Variants in HECW1 observed in about 807,000 individuals in gnomAD.
HECW1 encodes E3 ubiquitin-protein ligase HECW1.
A neutral mutation model predicts 182.3 loss-of-function variants in HECW1; 61 were observed. The ratio of observed to expected loss-of-function variants is 0.33; its 90% CI spans 0.27 to 0.41. The LOEUF is 0.41. HECW1 is among the 10% of genes least tolerant of loss of function. HECW1 has a pLI of 1.00. For missense variants in HECW1, 1,739 were observed against 2,108.9 expected (o/e 0.82, Z 3.44); for synonymous variants, 859 against 832.6 (o/e 1.03, Z -0.55).
intron 24 of HECW1, among the ~76,000 whole-genome samples, chr7:43,531,848 G>A (rs539253877): frequency 5.3e-5 from 8 of 152,164 alleles, no homozygotes; most frequent in Admixed American, 3.9e-4. Context: ...CCAGATCCCC[G>A]AATGCTGCAT....
chr7:43,399,742 A>C (rs1002408887), intron 7 of HECW1, among the ~76,000 whole-genome samples: 1 of 152,182 alleles, frequency 6.6e-6, no homozygotes, highest in Non-Finnish European at 1.5e-5. Context: ...CAGTCCCCAA[A>C]CACATCATTT....
chr7:43,546,476 G>T (rs1330404775), intron 26 of HECW1, among the ~76,000 whole-genome samples: 1 of 151,874 alleles, frequency 6.6e-6, no homozygotes, highest in Non-Finnish European at 1.5e-5. Context: ...AGAGTGTCAT[G>T]TGTAATGAGA....
At chr7:43,226,266 C>T (rs1486440081) in intron 2 of HECW1, among the ~76,000 whole-genome samples, 1 of 152,188 alleles carries the variant, frequency 6.6e-6, no homozygotes, top group East Asian at 1.9e-4. Flanking sequence ...AAACTCTAGC[C>T]TTGACTCTGT....
At position 43,407,563 on chromosome 7, in the gene HECW1, T is replaced by C; in HGVS notation, c.633T>C (p.Asp211=). ...SRRLISFSLS[D]FQAMGLKKGM... ...ATTAAAGTATCCTTTATTTTATAGATTTCCAAGCCATGGGGTTGAAGAAAG... is the reference window on the plus strand; with the variant it reads ...ATTAAAGTATCCTTTATTTTATAGACTTCCAAGCCATGGGGTTGAAGAAAG... The change falls in exon 8 of 30, where the codon GAT becomes GAC. Residue 211 remains aspartate, a splice_region_variant and synonymous_variant. Transcript: ENST00000395891. 1 of 1,608,822 alleles carries C rather than the reference T, an allele frequency of 6.2e-7. No individual in the cohort carries two copies. The highest frequency in any genetic ancestry group is 1.3e-5 in the African/African-American group (1 of 74,738).
At chr7:43,559,596 A>C (rs1287476877) in intron 29 of HECW1, among the ~76,000 whole-genome samples, 2 of 152,202 alleles carry the variant, frequency 1.3e-5, no homozygotes, top group East Asian at 3.9e-4. Context: ...ACTGAGGCTC[A>C]GGAAGATTAA....
chr7:43,292,153 G>T (rs1289835204), intron 3 of HECW1, among the ~76,000 whole-genome samples: 1 of 152,118 alleles, frequency 6.6e-6, no homozygotes, highest in Non-Finnish European at 1.5e-5. Context: ...TAAACAGCTC[G>T]AAATAATCCT....
chr7:43,488,336 AAG>A (rs2078734918), intron 17 of HECW1, among the ~76,000 whole-genome samples: 1 of 7,604 alleles, frequency 1.3e-4, no homozygotes, highest in Non-Finnish European at 2.8e-4. Context: ...GGAAGGAAGG[AAG>A]GAAGGAAGGA....
intron 2 of HECW1, among the ~76,000 whole-genome samples, chr7:43,212,778 T>C (rs1796110537): frequency 6.6e-6 from 1 of 152,242 alleles, no homozygotes; most frequent in African/African-American, 2.4e-5. Flanking sequence ...TCCAGTCATA[T>C]TTCTAATATT....
chr7:43,291,657 C>G (rs889931609), intron 3 of HECW1, among the ~76,000 whole-genome samples: 3 of 152,196 alleles, frequency 2.0e-5, no homozygotes, highest in Non-Finnish European at 4.4e-5. Context: ...ACAAAGGAAA[C>G]TTTGAAGAGG....
chr7:43,551,211 G>T (rs1230717644), intron 27 of HECW1, among the ~76,000 whole-genome samples: 2 of 152,120 alleles, frequency 1.3e-5, no homozygotes, highest in Admixed American at 1.3e-4. Flanking sequence ...ATTAAAGGAG[G>T]TACCACCACA....
chr7:43,403,853 T>C (rs1584784081), intron 7 of HECW1, among the ~76,000 whole-genome samples: 1 of 152,350 alleles, frequency 6.6e-6, no homozygotes, highest in East Asian at 1.9e-4. Flanking sequence ...CAATTAGTTA[T>C]TTGAAATAAC....
chr7:43,112,834 G>A lies in HECW1; in HGVS notation c.-370G>A, dbSNP rs1464068004. On this transcript the variant is annotated 5_prime_UTR_variant, in exon 1 of 30. Transcript: ENST00000395891. ...GGCGGTCGCCAGGGTCCCCTCCCCA[G>A]CCAGTCCCAGGCGCCCGGTGCACTA... 4 of 227,662 alleles carry A rather than the reference G, an allele frequency of 1.8e-5. No homozygotes were observed. The highest frequency in any genetic ancestry group is 1.2e-4 in the East Asian group (2 of 16,178). 14.1% of individuals were successfully genotyped at this position (227,662 alleles called of 1,614,324 possible). A position where few individuals can be genotyped will look rare whatever the true frequency, so the allele number is the denominator to read the frequency against.
In HECW1 at chr7:43,127,253, G is replaced by A. The variant is rs1786349754; in HGVS notation, c.-32+12862G>A. Reference sequence around the variant, plus strand: ...GAAAACAAACAGCTGGCCGGGCAAGGTAGCTCATGCCTGTAATCCCAGCAC... The same window carrying A: ...GAAAACAAACAGCTGGCCGGGCAAGATAGCTCATGCCTGTAATCCCAGCAC... On this transcript the variant is annotated intron_variant, in intron 2 of 29. Transcript: ENST00000395891. Among the ~76,000 whole-genome samples, 4 of 152,186 alleles carry A rather than the reference G, an allele frequency of 2.6e-5. No homozygotes were observed. In the South Asian group the frequency reaches 8.3e-4, roughly 32 times the overall value.
intron 8 of HECW1, among the ~76,000 whole-genome samples, chr7:43,428,907 A>T (rs2076443466): frequency 6.6e-6 from 1 of 152,126 alleles, no homozygotes; most frequent in Non-Finnish European, 1.5e-5. Context: ...TATGGATATA[A>T]ATATAGATAT....
intron 6 of HECW1, among the ~76,000 whole-genome samples, chr7:43,383,101 G>C (rs571032098): frequency 6.6e-6 from 1 of 152,294 alleles, no homozygotes; most frequent in Non-Finnish European, 1.5e-5. Context: ...TACCTGCAAA[G>C]GACATGAACT....
chr7:43,524,608 C>T (rs2080684712), intron 24 of HECW1, among the ~76,000 whole-genome samples: 1 of 152,192 alleles, frequency 6.6e-6, no homozygotes, highest in African/African-American at 2.4e-5. Context: ...TTTCATTCTC[C>T]TGTGAGGTAA....
At chr7:43,389,025 G>T (rs1314825419) in intron 6 of HECW1, among the ~76,000 whole-genome samples, 3 of 152,216 alleles carry the variant, frequency 2.0e-5, no homozygotes, top group African/African-American at 7.2e-5. Context: ...ATGCAAAGAA[G>T]CAGGTCATTG....
intron 5 of HECW1, among the ~76,000 whole-genome samples, chr7:43,341,201 T>G (rs1584542670): frequency 6.6e-6 from 1 of 151,488 alleles, no homozygotes; most frequent in African/African-American, 2.4e-5. Flanking sequence ...AGGTGAAATA[T>G]CTAATGTAAA....
intron 4 of HECW1, 55 bp from the exon 5 acceptor site, chr7:43,320,580 A>G: frequency 2.5e-6 from 3 of 1,216,776 alleles, no homozygotes; most frequent in Admixed American, 3.4e-5. Flanking sequence ...ATTCCCCTAA[A>G]TATGCTGTTG....
Sources: gnomAD v4.1 joint callset for allele counts (sites outside exome capture counted in the v4.1 genomes callset) on GRCh38, gnomAD v4.1.1 for gene constraint, MANE v1.5 for transcripts, NCBI Gene and HGNC (gene_info 2026-07-23, HGNC 2026-07-21) for gene names.